ATXN1: variants seen among roughly 807,000 people sequenced by gnomAD.
ATXN1 encodes ataxin 1.
Under a neutral mutation model 56.4 loss-of-function variants are expected in ATXN1, and 8 were observed. The observed-to-expected ratio is 0.14, with a 90% CI of 0.08 to 0.26. The LOEUF is 0.26. Among genes scored for constraint, ATXN1 ranks in the 10% least tolerant of loss-of-function variants. The pLI is 1.00. For synonymous variants in ATXN1, 514 were observed against 494.6 expected (o/e 1.04, Z -0.52); for missense variants, 987 against 1,106.5 (o/e 0.89, Z 1.53).
intron 6 of ATXN1, among the ~76,000 whole-genome samples, chr6:16,348,437 CAT>C (rs1393677237): frequency 1.3e-5 from 2 of 152,078 alleles, no homozygotes; most frequent in Non-Finnish European, 2.9e-5. Flanking sequence ...GTGGCTCACA[CAT>C]ATAATCCCAG....
intron 4 of ATXN1, among the ~76,000 whole-genome samples, chr6:16,551,983 G>A (rs559802100): frequency 2.6e-4 from 40 of 152,268 alleles, no homozygotes; most frequent in African/African-American, 6.5e-4. Flanking sequence ...GGCTGTGCTC[G>A]GGCTGTGAAA....
intron 6 of ATXN1, among the ~76,000 whole-genome samples, chr6:16,341,808 C>T (rs571169169): frequency 3.3e-5 from 5 of 150,476 alleles, no homozygotes; most frequent in Non-Finnish European, 5.9e-5. Context: ...CGTGAGCCAC[C>T]GCACCCGGCT....
chr6:16,345,484 G>C (rs1359051133), intron 6 of ATXN1, among the ~76,000 whole-genome samples: 2 of 151,954 alleles, frequency 1.3e-5, no homozygotes, highest in African/African-American at 4.8e-5. Flanking sequence ...TCAATCGTAG[G>C]AAGGACAAGG....
chr6:16,495,800 T>C (rs767638805), intron 5 of ATXN1, among the ~76,000 whole-genome samples: 1 of 151,358 alleles, frequency 6.6e-6, no homozygotes, highest in East Asian at 1.9e-4. Flanking sequence ...GAAGCGGAGG[T>C]TGCAGTGAGC....
intron 7 of ATXN1, among the ~76,000 whole-genome samples, chr6:16,322,625 G>A (rs998978769): frequency 1.3e-5 from 2 of 152,178 alleles, no homozygotes; most frequent in Admixed American, 6.5e-5. Flanking sequence ...AGAAGACCAG[G>A]AAGATTCTTC....
intron 5 of ATXN1, among the ~76,000 whole-genome samples, chr6:16,496,082 TACA>T (rs1277528274): frequency 6.6e-6 from 1 of 152,200 alleles, no homozygotes; most frequent in Non-Finnish European, 1.5e-5. Flanking sequence ...AGCCAACAGA[TACA>T]ACAACTCCAT....
At chr6:16,675,485 G>GT (rs1450845930) in intron 2 of ATXN1, among the ~76,000 whole-genome samples, 1 of 152,180 alleles carries the variant, frequency 6.6e-6, no homozygotes, top group Non-Finnish European at 1.5e-5. Context: ...GAATTTATAT[G>GT]TAATGATATT....
rs772879840 is a variant in ATXN1, at chr6:16,306,320, A to C, written c.*9T>G. The C allele has an allele frequency of 1.1e-5, 17 of 1,589,888 alleles. No individual in the cohort carries two copies. Among genetic ancestry groups the C allele is most frequent in the Non-Finnish European group, 8.6e-6 (10 of 1,169,076 alleles). On this transcript the variant is annotated 3_prime_UTR_variant, in exon 8 of 8. Coordinates refer to ENST00000436367, the MANE Select transcript of ATXN1 (RefSeq NM_001128164.2). The surrounding 1 kb of genome is among the most constrained non-coding windows in gnomAD (Gnocchi z 5.2). ...GGGAGAGCCACGTTTCCTTTCCCCC[A>C]CGCTGCCTCTACTTGCCTACATTAG...
At chr6:16,595,621 TG>T (rs1373898912) in intron 3 of ATXN1, among the ~76,000 whole-genome samples, 3 of 152,232 alleles carry the variant, frequency 2.0e-5, no homozygotes, top group African/African-American at 7.2e-5. Context: ...TTCTCCATTA[TG>T]GTCTCTTTCT....
chr6:16,731,516 G>C (rs1759984996), intron 2 of ATXN1, among the ~76,000 whole-genome samples: 2 of 125,904 alleles, frequency 1.6e-5, no homozygotes, highest in Admixed American at 2.0e-4. Context: ...CTTGCTTTCA[G>C]GAGCTTGAAA....
At chr6:16,364,262 C>A (rs193095626) in intron 6 of ATXN1, among the ~76,000 whole-genome samples, 5 of 152,108 alleles carry the variant, frequency 3.3e-5, no homozygotes, top group Non-Finnish European at 7.4e-5. Context: ...CTGAATTTGA[C>A]TAAGTATAGG....
chr6:16,457,733 G>A (rs75378259), intron 6 of ATXN1, among the ~76,000 whole-genome samples: 180 of 152,174 alleles, frequency 1.2e-3, no homozygotes, highest in African/African-American at 4.2e-3. Context: ...TCCACAGGAG[G>A]ACCTCTCAGA....
rs35384376 is a variant in ATXN1, at chr6:16,492,558, C to CTTT, written c.-298-6452_-298-6450dup. On this transcript the variant is annotated intron_variant, in intron 5 of 7. Transcript: ENST00000436367. ...AATCCACATATAATACAATACATTT[C>CTTT]TTTTTTTTTTTGCTTGAATCACTTT... 2.1e-3 allele frequency among the ~76,000 whole-genome samples: 313 copies of CTTT among 147,488 alleles called. 3 individuals are homozygous for CTTT. Among genetic ancestry groups the CTTT allele is most frequent in the African/African-American group, 6.7e-3 (270 of 40,408 alleles).
At chr6:16,404,866 G>A (rs1447186052) in intron 6 of ATXN1, among the ~76,000 whole-genome samples, 3 of 152,120 alleles carry the variant, frequency 2.0e-5, no homozygotes, top group African/African-American at 4.8e-5. Context: ...CCTCACACCA[G>A]ATTTTGTATT....
At chr6:16,681,778 A>G (rs759583126) in intron 2 of ATXN1, among the ~76,000 whole-genome samples, 2 of 152,234 alleles carry the variant, frequency 1.3e-5, no homozygotes, top group Non-Finnish European at 2.9e-5. Flanking sequence ...TCCCAAGAAC[A>G]TACAGAGAGC....
chr6:16,716,168 A>T (rs1759636794), intron 2 of ATXN1, among the ~76,000 whole-genome samples: 1 of 151,894 alleles, frequency 6.6e-6, no homozygotes, highest in South Asian at 2.1e-4. Flanking sequence ...CTATCTGACC[A>T]CTCTTCTCAT....
rs1206683676 is a variant in ATXN1, at chr6:16,594,688, G to A, written c.-488-8781C>T. Among the ~76,000 whole-genome samples, 3 of 152,016 alleles carry A rather than the reference G, an allele frequency of 2.0e-5. No individual in the cohort carries two copies. In the East Asian group the frequency reaches 5.8e-4, roughly 29 times the overall value. The stretch of plus-strand genomic sequence containing the variant: ...AGAAGAGACGAGGTTTCACTATGTT[G>A]GCCAGGACGGTCTGGATCTCTTGAC... On this transcript the variant is annotated intron_variant, in intron 3 of 7. Coordinates refer to ENST00000436367, the MANE Select transcript of ATXN1 (RefSeq NM_001128164.2).
Position 16,387,644 on chromosome 6 carries a change from C to T in ATXN1, c.-160-59174G>A, listed in dbSNP as rs73724850. Among the ~76,000 whole-genome samples the T allele has an allele frequency of 5.0e-3, 759 of 152,298 alleles. 7 individuals are homozygous for T. Among genetic ancestry groups the T allele is most frequent in the African/African-American group, 0.018 (730 of 41,558 alleles). On this transcript the variant is annotated intron_variant, in intron 6 of 7. Transcript: ENST00000436367. ...TGTTGTCATGAGCGGGAGAGCTCTGCATAGCAGAGGGCCGTCCTGCCTGCT... is the reference window on the plus strand; with the variant it reads ...TGTTGTCATGAGCGGGAGAGCTCTGTATAGCAGAGGGCCGTCCTGCCTGCT...
At chr6:16,457,792 G>A (rs888170905) in intron 6 of ATXN1, among the ~76,000 whole-genome samples, 2 of 152,070 alleles carry the variant, frequency 1.3e-5, no homozygotes, top group African/African-American at 4.8e-5. Context: ...TATTAATGAT[G>A]AGCCTCCTCT....
Sources: allele counts gnomAD v4.1 joint callset (sites outside exome capture counted in the v4.1 genomes callset), GRCh38; gene constraint gnomAD v4.1.1; non-coding constraint Gnocchi (gnomAD v3.1); transcripts MANE v1.5; gene names NCBI Gene and HGNC (gene_info 2026-07-23, HGNC 2026-07-21).